NRG3: variants seen among roughly 807,000 people sequenced by gnomAD.
NRG3 encodes neuregulin 3.
Under a neutral mutation model 66.9 loss-of-function variants are expected in NRG3, and 31 were observed. The observed-to-expected ratio is 0.46, with a 90% CI of 0.35 to 0.63. The LOEUF is 0.63. NRG3 is among the 20% of genes least tolerant of loss of function. The probability of loss-of-function intolerance (pLI) is 0.00; values close to 1 mark genes in which losing one functional copy is unlikely to be tolerated. For synonymous variants in NRG3, 393 were observed against 359.4 expected (o/e 1.09, Z -1.06); for missense variants, 910 against 878.9 (o/e 1.04, Z -0.45).
chr10:82,124,635 T>C (rs560412940), intron 1 of NRG3, among the ~76,000 whole-genome samples: 1 of 151,182 alleles, frequency 6.6e-6, no homozygotes, highest in East Asian at 2.0e-4. Context: ...AAAACCTAGA[T>C]GATGGGTTGA....
intron 1 of NRG3, among the ~76,000 whole-genome samples, chr10:81,937,816 C>A (rs1378631891): frequency 6.6e-6 from 1 of 151,976 alleles, no homozygotes; most frequent in Non-Finnish European, 1.5e-5. Context: ...AGAAATATCG[C>A]CAAATCTAAT....
chr10:82,171,696 G>C (rs1465911945), intron 1 of NRG3, among the ~76,000 whole-genome samples: 1 of 152,076 alleles, frequency 6.6e-6, no homozygotes, highest in African/African-American at 2.4e-5. Flanking sequence ...ACTTGCTCTT[G>C]TTTCTCATGC....
chr10:82,768,151 T>A (rs1436748287), intron 3 of NRG3, among the ~76,000 whole-genome samples: 1 of 152,152 alleles, frequency 6.6e-6, no homozygotes, highest in Admixed American at 6.6e-5. Context: ...GAGAAATGTG[T>A]CTAGGAGTAC....
intron 2 of NRG3, among the ~76,000 whole-genome samples, chr10:82,685,143 C>CG (rs1418540724): frequency 4.6e-5 from 7 of 151,992 alleles, no homozygotes; most frequent in African/African-American, 1.7e-4. Flanking sequence ...AGAGGCCCCC[C>CG]CCAAAACTTA....
intron 1 of NRG3, among the ~76,000 whole-genome samples, chr10:82,190,060 G>A (rs886113416): frequency 6.6e-6 from 1 of 152,106 alleles, no homozygotes; most frequent in African/African-American, 2.4e-5. Flanking sequence ...AGTTCAGAAC[G>A]GGGTCTTCCA....
chr10:82,823,438 A>C (rs959913776), intron 3 of NRG3, among the ~76,000 whole-genome samples: 1 of 152,200 alleles, frequency 6.6e-6, no homozygotes, highest in Non-Finnish European at 1.5e-5. Context: ...CACATTTATC[A>C]AGACACTAGA....
At chr10:82,961,922 C>T (rs115487915) in intron 6 of NRG3, among the ~76,000 whole-genome samples, 2 of 152,302 alleles carry the variant, frequency 1.3e-5, no homozygotes, top group African/African-American at 2.4e-5. Context: ...TCAGGCAAAT[C>T]TGTCTTTGTT....
At chr10:82,241,434 A>G (rs761931126) in intron 1 of NRG3, among the ~76,000 whole-genome samples, 1 of 151,824 alleles carries the variant, frequency 6.6e-6, no homozygotes, top group Non-Finnish European at 1.5e-5. Context: ...TCAGCTGTTT[A>G]TTTTTTTAAT....
At position 81,875,728 on chromosome 10, in the gene NRG3, A is replaced by G. The variant is rs771169245; in HGVS notation, c.388A>G (p.Thr130Ala). ...SFPKAMETTT[T>A]TTSTTSPATP... ...CCCCAAGGCCATGGAGACCACCACC[A>G]CTACCACTTCCACCACGTCCCCCGC... Residue 130 changes from threonine (T) to alanine (A), a missense_variant, in exon 1 of 9, where the codon ACT becomes GCT. Transcript: ENST00000372141. This position sits in a 1 kb window ranked among gnomAD's most constrained non-coding sequence, Gnocchi z 5.3. 6.2e-7 allele frequency: 1 copy of G among 1,613,016 alleles called. No homozygotes were observed. The highest frequency in any genetic ancestry group is 8.5e-7 in the Non-Finnish European group (1 of 1,179,836).
intron 2 of NRG3, among the ~76,000 whole-genome samples, chr10:82,456,123 A>C (rs1052389454): frequency 1.4e-5 from 2 of 147,046 alleles, no homozygotes; most frequent in African/African-American, 5.0e-5. Flanking sequence ...ACTATTTAAA[A>C]TATTTTTCTG....
At chr10:82,393,998 TAC>T (rs1374699769) in intron 2 of NRG3, among the ~76,000 whole-genome samples, 3 of 152,236 alleles carry the variant, frequency 2.0e-5, no homozygotes, top group Non-Finnish European at 4.4e-5. Context: ...TAATTGCACC[TAC>T]ACACTCCCAT....
At chr10:82,199,815 CT>C (rs572270018) in intron 1 of NRG3, among the ~76,000 whole-genome samples, 2,564 of 149,920 alleles carry the variant, frequency 0.017, 76 homozygotes, top group African/African-American at 0.059. Flanking sequence ...GATTACATTT[CT>C]TTTTTTTTCA....
intron 4 of NRG3, among the ~76,000 whole-genome samples, chr10:82,892,283 C>CA (rs1314397150): frequency 7.5e-5 from 11 of 146,964 alleles, no homozygotes; most frequent in South Asian, 2.2e-4. Flanking sequence ...TCAGTGTAGC[C>CA]AAAAAAAAAG....
intron 1 of NRG3, among the ~76,000 whole-genome samples, chr10:82,216,322 T>G (rs2075673894): frequency 6.6e-6 from 1 of 151,898 alleles, no homozygotes; most frequent in South Asian, 2.1e-4. Context: ...TTATATTTTT[T>G]AGAACTAAGG....
At chr10:82,338,394 A>G (rs2082503700) in intron 1 of NRG3, among the ~76,000 whole-genome samples, 1 of 152,208 alleles carries the variant, frequency 6.6e-6, no homozygotes, top group African/African-American at 2.4e-5. Flanking sequence ...CATTATGAGT[A>G]TATTAGCCAC....
intron 2 of NRG3, among the ~76,000 whole-genome samples, chr10:82,514,170 T>G (rs1305182661): frequency 6.6e-6 from 1 of 152,236 alleles, no homozygotes; most frequent in Non-Finnish European, 1.5e-5. Context: ...TTTCTTTTGC[T>G]GTGCAGAATC....
At chr10:82,150,454 C>A (rs2132767997) in intron 1 of NRG3, among the ~76,000 whole-genome samples, 1 of 130,300 alleles carries the variant, frequency 7.7e-6, no homozygotes, top group South Asian at 2.5e-4. Context: ...GACTACTTTT[C>A]ATTGGTTTGT....
chr10:82,060,760 C>G (rs2064099717), intron 1 of NRG3, among the ~76,000 whole-genome samples: 1 of 152,176 alleles, frequency 6.6e-6, no homozygotes, highest in Non-Finnish European at 1.5e-5. Context: ...GATGCCTGTA[C>G]TGACCTACCT....
chr10:82,044,556 G>A (rs569416967), intron 1 of NRG3, among the ~76,000 whole-genome samples: 8 of 151,926 alleles, frequency 5.3e-5, no homozygotes, highest in Non-Finnish European at 7.4e-5. Context: ...ACATCATAAC[G>A]AAATAATTTT....
Sources: allele counts gnomAD v4.1 joint callset (sites outside exome capture counted in the v4.1 genomes callset), GRCh38; gene constraint gnomAD v4.1.1; non-coding constraint Gnocchi (gnomAD v3.1); transcripts MANE v1.5; gene names NCBI Gene and HGNC (gene_info 2026-07-23, HGNC 2026-07-21).